NRXN3: variants seen among roughly 807,000 people sequenced by gnomAD.
The protein encoded by NRXN3 is neurexin 3.
In NRXN3, 32 loss-of-function variants were observed where a neutral mutation model predicts 137.6. That is an observed-to-expected ratio of 0.23 (90% CI 0.18 to 0.31). NRXN3 has a LOEUF of 0.31. NRXN3 is among the 10% of genes least tolerant of loss of function. The probability of loss-of-function intolerance (pLI) is 1.00; values close to 1 mark genes in which losing one functional copy is unlikely to be tolerated. For synonymous variants in NRXN3, 798 were observed against 784.5 expected (o/e 1.02, Z -0.29); for missense variants, 1,574 against 2,062.5 (o/e 0.76, Z 4.59).
intron 4 of NRXN3, among the ~76,000 whole-genome samples, chr14:78,364,597 G>A (rs528673480): frequency 2.0e-5 from 3 of 152,230 alleles, no homozygotes; most frequent in South Asian, 2.1e-4. Context: ...TGTGTCATAC[G>A]TATCCTGAAA....
intron 1 of NRXN3, among the ~76,000 whole-genome samples, chr14:78,175,876 G>A (rs1282876575): frequency 2.0e-5 from 3 of 152,160 alleles, no homozygotes; most frequent in African/African-American, 7.2e-5. Flanking sequence ...TTTAATCGGT[G>A]AATCATTATT....
intron 4 of NRXN3, among the ~76,000 whole-genome samples, chr14:78,434,278 A>G (rs2366156): frequency 1 from 151,896 of 152,292 alleles, 75,751 homozygotes; most frequent in Non-Finnish European, 1. Flanking sequence ...GGCAAGATTG[A>G]TTCCTTCTGA....
At chr14:78,551,121 A>T (rs182881298) in intron 4 of NRXN3, among the ~76,000 whole-genome samples, 1 of 152,226 alleles carries the variant, frequency 6.6e-6, no homozygotes, top group Non-Finnish European at 1.5e-5. Flanking sequence ...AAGAGCATGC[A>T]TATGAATAGC....
At chr14:78,184,341 T>C (rs1302556480) in intron 1 of NRXN3, among the ~76,000 whole-genome samples, 1 of 152,236 alleles carries the variant, frequency 6.6e-6, no homozygotes, top group African/African-American at 2.4e-5. Context: ...ACGAACACTT[T>C]TCCACAACAG....
intron 16 of NRXN3, among the ~76,000 whole-genome samples, chr14:79,567,291 T>A (rs547601511): frequency 2.0e-5 from 3 of 152,066 alleles, no homozygotes; most frequent in African/African-American, 7.2e-5. Context: ...ATGACAGAAA[T>A]GAAAAATAAC....
At chr14:79,459,913 C>T (rs1385801815) in intron 15 of NRXN3, among the ~76,000 whole-genome samples, 1 of 152,030 alleles carries the variant, frequency 6.6e-6, no homozygotes, top group African/African-American at 2.4e-5. Flanking sequence ...ATTTTAGCGT[C>T]TACAGCATTG....
intron 3 of NRXN3, among the ~76,000 whole-genome samples, chr14:78,283,587 C>A (rs896673955): frequency 1.3e-5 from 2 of 151,962 alleles, no homozygotes; most frequent in African/African-American, 4.8e-5. Context: ...CAGCTCACTG[C>A]AACCTCTGCC....
chr14:78,456,855 T>TTC (rs1441436405), intron 4 of NRXN3, among the ~76,000 whole-genome samples: 21,331 of 98,776 alleles, frequency 0.22, 2,066 homozygotes, highest in Non-Finnish European at 0.29. Flanking sequence ...CTTTCTTTCT[T>TTC]TTTCTCTTTC....
chr14:79,449,296 C>T lies in NRXN3; in HGVS notation c.3263-17925C>T, dbSNP rs147656461. 1.2e-3 allele frequency among the ~76,000 whole-genome samples: 181 copies of T among 152,244 alleles called. 1 individual carries two copies. The highest frequency in any genetic ancestry group is 4.3e-3 in the African/African-American group (180 of 41,564). On this transcript the variant is annotated intron_variant, in intron 15 of 20. Coordinates refer to ENST00000335750, the MANE Select transcript of NRXN3 (RefSeq NM_001330195.2). ...CCATTTAGGTTGTAGCATGCCCCTT[C>T]GAATCCCTTCGCATTTCTTGCAACC...
chr14:79,018,357 T>C (rs1202635269), intron 15 of NRXN3, among the ~76,000 whole-genome samples: 7 of 143,550 alleles, frequency 4.9e-5, no homozygotes, highest in Non-Finnish European at 1.1e-4. Context: ...TCCAAGAAAC[T>C]CAAGGAACCT....
At chr14:79,618,010 T>A (rs377638629) in intron 16 of NRXN3, among the ~76,000 whole-genome samples, 3 of 151,432 alleles carry the variant, frequency 2.0e-5, no homozygotes, top group African/African-American at 7.3e-5. Flanking sequence ...GCCTTACTTC[T>A]TTCTTCTACT....
At chr14:78,231,042 CT>C (rs985005736) in intron 1 of NRXN3, among the ~76,000 whole-genome samples, 1 of 152,144 alleles carries the variant, frequency 6.6e-6, no homozygotes, top group African/African-American at 2.4e-5. Flanking sequence ...ACGGCCTCCC[CT>C]GTGAGGTCTT....
At chr14:78,327,306 G>A (rs555045262) in intron 4 of NRXN3, among the ~76,000 whole-genome samples, 1 of 152,264 alleles carries the variant, frequency 6.6e-6, no homozygotes, top group South Asian at 2.1e-4. Context: ...GGGATAGGAA[G>A]GATCAGTAGA....
intron 6 of NRXN3, among the ~76,000 whole-genome samples, chr14:78,664,963 T>C (rs1442752837): frequency 2.0e-5 from 3 of 152,216 alleles, no homozygotes; most frequent in Admixed American, 6.5e-5. Context: ...GTCAACAGCA[T>C]GCCACTCATT....
intron 15 of NRXN3, among the ~76,000 whole-genome samples, chr14:79,232,019 G>A (rs1250999773): frequency 3.3e-5 from 5 of 152,078 alleles, no homozygotes; most frequent in Non-Finnish European, 5.9e-5. Context: ...ATAAGGACAT[G>A]AACACCTGGG....
intron 19 of NRXN3, 28 bp from the exon 20 acceptor site, chr14:79,805,084 C>T (rs1463109551): frequency 1.3e-6 from 2 of 1,511,336 alleles, no homozygotes; most frequent in Non-Finnish European, 1.8e-6. Context: ...CTTCCCCTAC[C>T]CCATTATTTT....
intron 4 of NRXN3, among the ~76,000 whole-genome samples, chr14:78,470,744 A>G (rs1004379212): frequency 2.6e-5 from 4 of 152,232 alleles, no homozygotes; most frequent in Non-Finnish European, 5.9e-5. Flanking sequence ...ATATGGTTTC[A>G]TCTATGACAA....
intron 15 of NRXN3, among the ~76,000 whole-genome samples, chr14:79,010,019 A>G (rs2099568447): frequency 2.0e-5 from 3 of 152,240 alleles, no homozygotes; most frequent in Non-Finnish European, 4.4e-5. Flanking sequence ...GTATAATGAA[A>G]GAATAAGGGC....
chr14:79,391,059 A>G (rs1236384069), intron 15 of NRXN3, among the ~76,000 whole-genome samples: 3 of 152,138 alleles, frequency 2.0e-5, no homozygotes, highest in Non-Finnish European at 4.4e-5. Flanking sequence ...AGAATTTCGA[A>G]GAAGTAAGGC....
Sources: gnomAD v4.1 joint callset for allele counts (sites outside exome capture counted in the v4.1 genomes callset) on GRCh38, gnomAD v4.1.1 for gene constraint, MANE v1.5 for transcripts, NCBI Gene and HGNC (gene_info 2026-07-23, HGNC 2026-07-21) for gene names.